CAV1: variants seen among roughly 807,000 people sequenced by gnomAD.
The protein encoded by CAV1 is caveolin 1, also known as caveolin-1.
CAV1 carries 10 observed loss-of-function variants against 16.5 expected under a neutral mutation model. The observed-to-expected ratio is 0.61, with a 90% CI of 0.37 to 1.03. The LOEUF is 1.03. Ranked by LOEUF, CAV1 falls within the 50% of genes least tolerant of loss-of-function variation. CAV1 has a pLI of 0.01. For synonymous variants in CAV1, 76 were observed against 85.1 expected (o/e 0.89, Z 0.59); for missense variants, 212 against 232.8 (o/e 0.91, Z 0.58).
At chr7:116,526,877 C>T in intron 2 of CAV1, 188 bp downstream of exon 2, 1 of 653,080 alleles carries the variant, frequency 1.5e-6, no homozygotes, top group East Asian at 2.7e-5. Context: ...AACGTTACAT[C>T]TCCCTTCCCC....
Position 116,534,464 on chromosome 7 carries a change from ATC to A in CAV1, c.195+7778_195+7779del, listed in dbSNP as rs1349312237. Among the ~76,000 whole-genome samples, 28 of 132,534 alleles carry A rather than the reference ATC, an allele frequency of 2.1e-4. 1 individual carries two copies. The highest frequency in any genetic ancestry group is 9.4e-5 in the Non-Finnish European group (6 of 63,890). The allele number at this position is 132,534 out of a possible 152,430, so 86.9% of individuals were successfully genotyped here. A position where few individuals can be genotyped will look rare whatever the true frequency, so the allele number is the denominator to read the frequency against. On this transcript the variant is annotated intron_variant, in intron 2 of 2. Transcript: ENST00000341049. ...ACCCAGGCTGGAGTGCAGTGGCATGATCTCAGCTCACTGCAAGCTCCGTCTCC... is the reference window on the plus strand; with the variant it reads ...ACCCAGGCTGGAGTGCAGTGGCATGATCAGCTCACTGCAAGCTCCGTCTCC...
intron 2 of CAV1, among the ~76,000 whole-genome samples, chr7:116,556,569 AGTT>A (rs1265009226): frequency 3.3e-5 from 5 of 152,310 alleles, no homozygotes; most frequent in African/African-American, 1.2e-4. Flanking sequence ...TATATTATAG[AGTT>A]GTTGTCAGTT....
chr7:116,544,814 G>T (rs1794007746), intron 2 of CAV1, among the ~76,000 whole-genome samples: 1 of 152,094 alleles, frequency 6.6e-6, no homozygotes, highest in Non-Finnish European at 1.5e-5. Flanking sequence ...CACCATAGAA[G>T]GAAATCACCC....
chr7:116,532,767 C>T (rs901038494), intron 2 of CAV1, among the ~76,000 whole-genome samples: 3 of 152,194 alleles, frequency 2.0e-5, no homozygotes, highest in African/African-American at 7.2e-5. Flanking sequence ...TTCTCTAAAA[C>T]TTGAATGTGG....
chr7:116,525,013 G>A (rs1269812052), upstream of CAV1: 3 of 1,609,388 alleles, frequency 1.9e-6, no homozygotes, highest in African/African-American at 1.3e-5. Flanking sequence ...TTCCCTTAAA[G>A]CACAGCCCAG....
chr7:116,529,216 G>A (rs1247961468), intron 2 of CAV1, among the ~76,000 whole-genome samples: 1 of 152,140 alleles, frequency 6.6e-6, no homozygotes, highest in African/African-American at 2.4e-5. Context: ...ATGCATGGTA[G>A]CTTAAAACTT....
At position 116,558,836 on chromosome 7, in the gene CAV1, G is replaced by A. The variant is rs139398695; in HGVS notation, c.196-110G>A. The A allele has an allele frequency of 4.6e-4, 376 of 813,204 alleles. 3 individuals carry two copies. Among genetic ancestry groups the A allele is most frequent in the African/African-American group, 3.1e-3 (182 of 58,876 alleles). The allele number at this position is 813,204 out of a possible 1,614,324, so 50.4% of individuals were successfully genotyped here. A position where few individuals can be genotyped will look rare whatever the true frequency, so the allele number is the denominator to read the frequency against. On this transcript the variant is annotated intron_variant, in intron 2 of 2. Coordinates refer to ENST00000341049, the MANE Select transcript of CAV1 (RefSeq NM_001753.5). ...TGGTTGCCTTTAAGCATCTCACAAA[G>A]AACGAACTCATAAATGCTAATACAG...
chr7:116,542,327 G>T (rs994787071), intron 2 of CAV1, among the ~76,000 whole-genome samples: 3 of 152,062 alleles, frequency 2.0e-5, no homozygotes, highest in Non-Finnish European at 2.9e-5. Context: ...AATCATCTGG[G>T]GAACATTTAA....
At chr7:116,557,357 G>A (rs1421740336) in intron 2 of CAV1, among the ~76,000 whole-genome samples, 2 of 152,160 alleles carry the variant, frequency 1.3e-5, no homozygotes, top group Non-Finnish European at 2.9e-5. Context: ...GCTCCGTGGA[G>A]TCATGGCAGT....
At chr7:116,540,374 G>A (rs911762183) in intron 2 of CAV1, among the ~76,000 whole-genome samples, 1 of 152,094 alleles carries the variant, frequency 6.6e-6, no homozygotes, top group African/African-American at 2.4e-5. Flanking sequence ...CCTATAATAA[G>A]AGATGATTTT....
intron 2 of CAV1, among the ~76,000 whole-genome samples, chr7:116,547,038 C>T (rs1250420274): frequency 6.6e-6 from 1 of 152,188 alleles, no homozygotes. Context: ...TCCACTCTGC[C>T]TCCATCATTA....
intron 2 of CAV1, among the ~76,000 whole-genome samples, chr7:116,534,023 C>A (rs914989193): frequency 1.5e-4 from 23 of 152,064 alleles, no homozygotes; most frequent in African/African-American, 5.5e-4. Flanking sequence ...TTGAGACCAG[C>A]CTGGCCAACA....
At chr7:116,530,390 AAT>A (rs1273696610) in intron 2 of CAV1, among the ~76,000 whole-genome samples, 1 of 152,172 alleles carries the variant, frequency 6.6e-6, no homozygotes, top group East Asian at 1.9e-4. Flanking sequence ...GACCAAATAT[AAT>A]ATATATGATA....
intron 2 of CAV1, among the ~76,000 whole-genome samples, chr7:116,529,838 T>A (rs911782488): frequency 1.3e-5 from 2 of 152,260 alleles, no homozygotes; most frequent in African/African-American, 4.8e-5. Context: ...GAATACTTTT[T>A]AAAATTTCCT....
At chr7:116,526,396 C>G in intron 1 of CAV1, 129 bp from the exon 2 acceptor site, 1 of 1,541,884 alleles carries the variant, frequency 6.5e-7, no homozygotes, top group African/African-American at 1.4e-5. Context: ...GCGGTTAGTT[C>G]GATTTCGAGC....
intron 2 of CAV1, among the ~76,000 whole-genome samples, chr7:116,558,335 G>A: frequency 6.6e-6 from 1 of 152,216 alleles, no homozygotes; most frequent in African/African-American, 2.4e-5. Flanking sequence ...ACATCCATTT[G>A]GTTTTCTCTA....
chr7:116,536,380 T>C (rs1033755971), intron 2 of CAV1, among the ~76,000 whole-genome samples: 1 of 152,184 alleles, frequency 6.6e-6, no homozygotes, highest in African/African-American at 2.4e-5. Context: ...CTGAAGAGTT[T>C]AGGGCTTAGT....
intron 2 of CAV1, among the ~76,000 whole-genome samples, chr7:116,545,570 A>T (rs1169510170): frequency 6.6e-6 from 1 of 152,248 alleles, no homozygotes. Context: ...AGGAAAAAAT[A>T]TTCCAGCAAT....
intron 2 of CAV1, among the ~76,000 whole-genome samples, chr7:116,531,751 T>C (rs1188768119): frequency 6.6e-6 from 1 of 152,198 alleles, no homozygotes; most frequent in Non-Finnish European, 1.5e-5. Flanking sequence ...TTAATATCTT[T>C]TTCTGTTGGC....
Sources: gnomAD v4.1 joint callset for allele counts (sites outside exome capture counted in the v4.1 genomes callset) on GRCh38, gnomAD v4.1.1 for gene constraint, MANE v1.5 for transcripts, NCBI Gene and HGNC (gene_info 2026-07-23, HGNC 2026-07-21) for gene names.